ARHGAP6: variants seen among roughly 807,000 people sequenced by gnomAD.
The protein encoded by ARHGAP6 is rho GTPase-activating protein 6.
A neutral mutation model predicts 55.7 loss-of-function variants in ARHGAP6; 16 were observed. That is an observed-to-expected ratio of 0.29 (90% CI 0.19 to 0.44). The LOEUF (loss-of-function observed/expected upper bound fraction) is 0.44, where lower values mean the gene tolerates loss of function less well. ARHGAP6 is among the 20% of genes least tolerant of loss of function. The pLI, the probability that ARHGAP6 is intolerant of heterozygous loss-of-function variation, is 1.00. For missense variants in ARHGAP6, 698 were observed against 808.9 expected, an observed-to-expected ratio of 0.86 and a Z score of 1.66; for synonymous variants, 382 against 360.9, an observed-to-expected ratio of 1.06 and a Z score of -0.66.
chrX:11,644,792 T>G (rs2052510524), intron 1 of ARHGAP6, among the ~76,000 whole-genome samples: 2 of 111,787 alleles, frequency 1.8e-5, no homozygotes, highest in African/African-American at 6.5e-5. Context: ...TAGTTTCTCA[T>G]AAAGTTAACC....
chrX:11,290,633 C>T (rs1180905727), intron 1 of ARHGAP6, among the ~76,000 whole-genome samples: 2 of 111,211 alleles, frequency 1.8e-5, no homozygotes, highest in African/African-American at 6.6e-5. Context: ...ATTGGATAAC[C>T]CTGGGGATGC....
chrX:11,276,596 A>C (rs2047769804), intron 1 of ARHGAP6, among the ~76,000 whole-genome samples: 1 of 112,117 alleles, frequency 8.9e-6, no homozygotes, highest in Admixed American at 9.5e-5. Flanking sequence ...AAAGGGAGAA[A>C]CCAACATGAA....
At chrX:11,567,700 C>T (rs368847826) in intron 1 of ARHGAP6, among the ~76,000 whole-genome samples, 19 of 109,172 alleles carry the variant, frequency 1.7e-4, no homozygotes, top group African/African-American at 6.0e-4. Flanking sequence ...CTTGCTCTGT[C>T]GCCCAGGCTG....
intron 8 of ARHGAP6, among the ~76,000 whole-genome samples, chrX:11,173,135 G>A (rs1443475834): frequency 2.7e-5 from 3 of 112,102 alleles, no homozygotes; most frequent in African/African-American, 9.7e-5. Context: ...CCCCACTCTA[G>A]GCAGCCCTAC....
chrX:11,147,542 A>G (rs1339872183), intron 10 of ARHGAP6, among the ~76,000 whole-genome samples: 1 of 112,407 alleles, frequency 8.9e-6, no homozygotes, highest in Admixed American at 9.4e-5. Context: ...TACCTTCATT[A>G]CACACCTGTG....
chrX:11,424,725 A>T (rs1221387929), intron 1 of ARHGAP6, among the ~76,000 whole-genome samples: 1 of 112,512 alleles, frequency 8.9e-6, no homozygotes, highest in Non-Finnish European at 1.9e-5. Flanking sequence ...AAAGGCATCA[A>T]GGACAACACC....
At chrX:11,636,817 C>T (rs750993038) in intron 1 of ARHGAP6, among the ~76,000 whole-genome samples, 34 of 112,005 alleles carry the variant, frequency 3.0e-4, no homozygotes, top group African/African-American at 8.7e-4. Context: ...AATCAACCAT[C>T]TTTCAGAATT....
At chrX:11,357,329 A>G (rs1398166468) in intron 1 of ARHGAP6, among the ~76,000 whole-genome samples, 2 of 112,000 alleles carry the variant, frequency 1.8e-5, no homozygotes, top group African/African-American at 6.5e-5. Flanking sequence ...CTTTATAGAC[A>G]CTGGCTCATC....
intron 1 of ARHGAP6, among the ~76,000 whole-genome samples, chrX:11,370,888 C>G (rs1186258496): frequency 9.1e-6 from 1 of 109,949 alleles, no homozygotes; most frequent in East Asian, 2.8e-4. Flanking sequence ...TCAAAGTATG[C>G]TTACAAACAA....
At chrX:11,266,349 G>A (rs2047627923) in intron 1 of ARHGAP6, among the ~76,000 whole-genome samples, 1 of 111,204 alleles carries the variant, frequency 9.0e-6, no homozygotes, top group African/African-American at 3.3e-5. Context: ...TGCCTTCTTT[G>A]TTTAGGACAA....
chrX:11,324,292 G>A (rs748074099), intron 1 of ARHGAP6, among the ~76,000 whole-genome samples: 77 of 110,371 alleles, frequency 7.0e-4, no homozygotes, highest in South Asian at 4.2e-3. Context: ...AGAGGAAGTG[G>A]TCCAGTCAAA....
chrX:11,139,090 G>A lies in ARHGAP6; in HGVS notation c.2698C>T (p.Pro900Ser), dbSNP rs752906971. Residue 900 changes from proline (P) to serine (S), a missense_variant, in exon 13 of 13, where the codon CCC becomes TCC. Physicochemically the swap from Pro to Ser is moderately conservative, Grantham distance 74 (BLOSUM62 -1). Transcript: ENST00000337414. ...PAAAAAWIQGPPEGVETPTDQ... is the reference protein window; with the variant it reads ...PAAAAAWIQGSPEGVETPTDQ... ...GTGGGTGTCTCCACGCCTTCCGGGG[G>A]CCCCTGGATCCAGGCTGCCGCTGCC... The A allele has an allele frequency of 1.7e-5, 20 of 1,201,238 alleles. No homozygotes were observed. Among genetic ancestry groups the A allele is most frequent in the Non-Finnish European group, 2.0e-5 (18 of 891,196 alleles).
chrX:11,226,919 T>C (rs1339443304), intron 2 of ARHGAP6, among the ~76,000 whole-genome samples: 1 of 112,567 alleles, frequency 8.9e-6, no homozygotes, highest in Non-Finnish European at 1.9e-5. Context: ...CAGCAGATTA[T>C]TAACACTTTG....
chrX:11,296,222 G>A (rs2048081475), intron 1 of ARHGAP6, among the ~76,000 whole-genome samples: 1 of 112,213 alleles, frequency 8.9e-6, no homozygotes, highest in African/African-American at 3.2e-5. Context: ...TTGTATGGAA[G>A]TGTTGTTTAC....
chrX:11,627,949 T>C (rs748500261), intron 1 of ARHGAP6, among the ~76,000 whole-genome samples: 1 of 111,941 alleles, frequency 8.9e-6, no homozygotes, highest in Non-Finnish European at 1.9e-5. Flanking sequence ...AAAAAATTAA[T>C]ATCCCTAATG....
chrX:11,498,208 C>A (rs935943106), intron 1 of ARHGAP6, among the ~76,000 whole-genome samples: 1 of 111,309 alleles, frequency 9.0e-6, no homozygotes, highest in Non-Finnish European at 1.9e-5. Context: ...CAGTCTCATG[C>A]ACGTATATGA....
intron 1 of ARHGAP6, among the ~76,000 whole-genome samples, chrX:11,277,400 G>C (rs2047787813): frequency 9.0e-6 from 1 of 110,594 alleles, no homozygotes; most frequent in African/African-American, 3.3e-5. Flanking sequence ...ACTAGAAGTG[G>C]AATTGCTGGA....
intron 1 of ARHGAP6, among the ~76,000 whole-genome samples, chrX:11,598,471 A>G (rs997740311): frequency 8.9e-6 from 1 of 111,907 alleles, no homozygotes; most frequent in African/African-American, 3.2e-5. Flanking sequence ...AAAGTACCCA[A>G]TAGGTAGTTT....
intron 10 of ARHGAP6, among the ~76,000 whole-genome samples, chrX:11,149,159 C>G (rs1358580209): frequency 1.8e-5 from 2 of 112,024 alleles, no homozygotes; most frequent in African/African-American, 6.5e-5. Flanking sequence ...CCTAATGTCT[C>G]TGGCAAATGG....
Sources: gnomAD v4.1 joint callset for allele counts (sites outside exome capture counted in the v4.1 genomes callset) on GRCh38, gnomAD v4.1.1 for gene constraint, MANE v1.5 for transcripts, NCBI Gene and HGNC (gene_info 2026-07-23, HGNC 2026-07-21) for gene names.